LRMDA: variants seen among roughly 807,000 people sequenced by gnomAD.
LRMDA encodes leucine rich melanocyte differentiation associated, also known as leucine-rich melanocyte differentiation-associated protein.
A neutral mutation model predicts 29.8 loss-of-function variants in LRMDA; 18 were observed. That is an observed-to-expected ratio of 0.60 (90% CI 0.42 to 0.90). The LOEUF is 0.90. Ranked by LOEUF, LRMDA falls within the 40% of genes least tolerant of loss-of-function variation. LRMDA has a pLI of 0.00. For missense variants in LRMDA, 273 were observed against 273.9 expected (o/e 1.00, Z 0.02); for synonymous variants, 125 against 109.4 (o/e 1.14, Z -0.89).
chr10:76,039,234 A>G (rs1848302851), intron 3 of LRMDA, among the ~76,000 whole-genome samples: 1 of 152,184 alleles, frequency 6.6e-6, no homozygotes, highest in African/African-American at 2.4e-5. Context: ...GTAACAATCT[A>G]CCCAGGAGAC....
At chr10:76,076,820 T>G (rs1010517055) in intron 5 of LRMDA, among the ~76,000 whole-genome samples, 1 of 152,058 alleles carries the variant, frequency 6.6e-6, no homozygotes, top group African/African-American at 2.4e-5. Flanking sequence ...CTTTCAAGGG[T>G]CGGGCAGACA....
At chr10:76,208,133 T>C (rs1181024836) in intron 5 of LRMDA, among the ~76,000 whole-genome samples, 1 of 152,196 alleles carries the variant, frequency 6.6e-6, no homozygotes, top group Non-Finnish European at 1.5e-5. Flanking sequence ...TTAAATATTA[T>C]ATAAACCAAC....
intron 2 of LRMDA, among the ~76,000 whole-genome samples, chr10:75,964,581 G>C (rs1444459154): frequency 6.6e-6 from 1 of 152,136 alleles, no homozygotes; most frequent in Non-Finnish European, 1.5e-5. Flanking sequence ...CAAACTGGTG[G>C]AATTAGGAGG....
chr10:75,582,145 G>A (rs998157841), intron 2 of LRMDA, among the ~76,000 whole-genome samples: 4 of 152,120 alleles, frequency 2.6e-5, no homozygotes, highest in South Asian at 2.1e-4. Context: ...TACTGTTCTG[G>A]GTTCTTGAGA....
chr10:76,528,830 T>C (rs1265661786), intron 6 of LRMDA, among the ~76,000 whole-genome samples: 1 of 152,144 alleles, frequency 6.6e-6, no homozygotes, highest in Non-Finnish European at 1.5e-5. Flanking sequence ...GCTCCCATCC[T>C]CAAGTTTGAT....
intron 5 of LRMDA, among the ~76,000 whole-genome samples, chr10:76,302,991 T>C (rs1840500617): frequency 6.6e-6 from 1 of 152,180 alleles, no homozygotes; most frequent in Non-Finnish European, 1.5e-5. Context: ...CACTCTAACT[T>C]TCCTCATCTC....
intron 2 of LRMDA, among the ~76,000 whole-genome samples, chr10:75,854,391 A>G (rs1396384440): frequency 6.6e-6 from 1 of 152,080 alleles, no homozygotes. Flanking sequence ...TAGTATGATT[A>G]TTAATATTGG....
At chr10:75,638,703 G>C (rs561405398) in intron 2 of LRMDA, among the ~76,000 whole-genome samples, 17 of 152,320 alleles carry the variant, frequency 1.1e-4, no homozygotes, top group Admixed American at 8.5e-4. Flanking sequence ...GTAAGACAAG[G>C]AATGGGGAAA....
intron 2 of LRMDA, among the ~76,000 whole-genome samples, chr10:75,708,012 C>T (rs1348553692): frequency 6.6e-6 from 1 of 152,170 alleles, no homozygotes; most frequent in African/African-American, 2.4e-5. Context: ...GTTTCATGAG[C>T]TTAGCAAACC....
chr10:75,819,078 T>C (rs1238547178), intron 2 of LRMDA, among the ~76,000 whole-genome samples: 1 of 152,224 alleles, frequency 6.6e-6, no homozygotes, highest in Non-Finnish European at 1.5e-5. Context: ...CTTGTGTAAG[T>C]TGAAAACAGA....
At chr10:75,497,274 G>T (rs1012915088) in intron 2 of LRMDA, among the ~76,000 whole-genome samples, 1 of 152,050 alleles carries the variant, frequency 6.6e-6, no homozygotes, top group Non-Finnish European at 1.5e-5. Context: ...TTGAAGGATT[G>T]TATAGTGGAC....
chr10:75,568,111 G>T (rs1427353787), intron 2 of LRMDA, among the ~76,000 whole-genome samples: 1 of 152,172 alleles, frequency 6.6e-6, no homozygotes, highest in African/African-American at 2.4e-5. Flanking sequence ...GAGTCACTTG[G>T]CCAGGGTATG....
chr10:76,207,912 C>G (rs185835186), intron 5 of LRMDA, among the ~76,000 whole-genome samples: 1 of 151,900 alleles, frequency 6.6e-6, no homozygotes, highest in South Asian at 2.1e-4. Context: ...TGCAGTGAGC[C>G]GAGATCAGGC....
intron 6 of LRMDA, among the ~76,000 whole-genome samples, chr10:76,507,814 G>A (rs1306946950): frequency 2.0e-5 from 3 of 151,970 alleles, no homozygotes; most frequent in Non-Finnish European, 4.4e-5. Flanking sequence ...TAAATGCCTG[G>A]GTTTATTTCT....
At chr10:75,909,392 C>G (rs1047338104) in intron 2 of LRMDA, among the ~76,000 whole-genome samples, 2 of 152,168 alleles carry the variant, frequency 1.3e-5, no homozygotes, top group African/African-American at 4.8e-5. Context: ...GCTCATGGAA[C>G]CTCTCTCTGC....
intron 2 of LRMDA, among the ~76,000 whole-genome samples, chr10:75,546,721 C>A (rs539059322): frequency 9.2e-5 from 14 of 151,724 alleles, no homozygotes; most frequent in African/African-American, 3.4e-4. Flanking sequence ...TACTGTAGTC[C>A]GGAGAGAAGA....
chr10:76,356,294 C>T (rs1841238956), intron 6 of LRMDA, among the ~76,000 whole-genome samples: 1 of 152,076 alleles, frequency 6.6e-6, no homozygotes, highest in East Asian at 1.9e-4. Context: ...TAGAAAGAAT[C>T]TAAGATATCA....
At chr10:76,477,593 A>C (rs2132323166) in intron 6 of LRMDA, among the ~76,000 whole-genome samples, 1 of 152,306 alleles carries the variant, frequency 6.6e-6, no homozygotes. Flanking sequence ...CGCATCGCCA[A>C]GGCAATCCTA....
chr10:75,600,347 G>T (rs1840866538), intron 2 of LRMDA, among the ~76,000 whole-genome samples: 3 of 152,172 alleles, frequency 2.0e-5, no homozygotes, highest in Admixed American at 2.0e-4. Context: ...TCTGGAAGGT[G>T]GTCAGTCCAT....
Sources: gnomAD v4.1 joint callset for allele counts (sites outside exome capture counted in the v4.1 genomes callset) on GRCh38, gnomAD v4.1.1 for gene constraint, MANE v1.5 for transcripts, NCBI Gene and HGNC (gene_info 2026-07-23, HGNC 2026-07-21) for gene names.